Variants in SLC5A11 observed in about 807,000 individuals in gnomAD.
SLC5A11 encodes the protein sodium/myo-inositol cotransporter 2.
In SLC5A11, 48 loss-of-function variants were observed where a neutral mutation model predicts 69.8. That is an observed-to-expected ratio of 0.69 (90% CI 0.55 to 0.87). The LOEUF (loss-of-function observed/expected upper bound fraction) is 0.87, where lower values mean the gene tolerates loss of function less well. SLC5A11 is among the 40% of genes least tolerant of loss of function. The pLI is 0.00. For synonymous variants in SLC5A11, 319 were observed against 342.4 expected (o/e 0.93, Z 0.75); for missense variants, 784 against 866.1 (o/e 0.91, Z 1.19).
rs376938001 is a variant in SLC5A11, at chr16:24,884,130, C to T, written c.663C>T (p.Tyr221=). 6 of 1,613,968 alleles carry T rather than the reference C, an allele frequency of 3.7e-6. No homozygotes were observed. In the African/African-American group the frequency reaches 5.3e-5, roughly 14 times the overall value. ...TAGGAGCGCTCACCTTGATGGGCTACAGTAAGTGGGGTCCCCGGGTCACTG... is the reference window on the plus strand; with the variant it reads ...TAGGAGCGCTCACCTTGATGGGCTATAGTAAGTGGGGTCCCCGGGTCACTG... The change falls in exon 8 of 16, where the codon TAC becomes TAT. Residue 221 remains tyrosine, a splice_region_variant and synonymous_variant. Coordinates refer to ENST00000347898, the Ensembl canonical transcript of SLC5A11.
At chr16:24,874,906 C>A (rs2047567309) in intron 5 of SLC5A11, among the ~76,000 whole-genome samples, 1 of 151,990 alleles carries the variant, frequency 6.6e-6, no homozygotes, top group South Asian at 2.1e-4. Context: ...ATTGGCAACT[C>A]TTTTTATACA....
chr16:24,897,464 T>C (rs1306790521), intron 9 of SLC5A11, among the ~76,000 whole-genome samples: 4 of 152,050 alleles, frequency 2.6e-5, no homozygotes, highest in Admixed American at 2.6e-4. Flanking sequence ...GGACTGAGCA[T>C]AGGAAAGAGA....
chr16:24,852,114 C>T (rs2059338771), intron 1 of SLC5A11, among the ~76,000 whole-genome samples: 2 of 151,818 alleles, frequency 1.3e-5, no homozygotes, highest in South Asian at 4.2e-4. Flanking sequence ...AGTGCTTTGG[C>T]TTCATGCTAT....
intron 10 of SLC5A11, among the ~76,000 whole-genome samples, chr16:24,901,064 G>A (rs2049554939): frequency 2.0e-5 from 3 of 152,152 alleles, no homozygotes. Flanking sequence ...GCCCAGGCCT[G>A]AATTTGCTCT....
chr16:24,898,270 G>A (rs1157382055), intron 10 of SLC5A11, among the ~76,000 whole-genome samples, 161 bp downstream of exon 11: 1 of 152,182 alleles, frequency 6.6e-6, no homozygotes, highest in African/African-American at 2.4e-5. Context: ...GGAGTGCAGT[G>A]GTATGGTCAT....
intron 7 of SLC5A11, 111 bp downstream of exon 8, chr16:24,877,474 A>G: frequency 3.9e-6 from 3 of 767,624 alleles, no homozygotes; most frequent in Non-Finnish European, 6.5e-6. Flanking sequence ...AGACCCATTT[A>G]TTCATTAAAC....
intron 8 of SLC5A11, among the ~76,000 whole-genome samples, chr16:24,889,831 A>G (rs1406422590): frequency 1.6e-4 from 24 of 152,144 alleles, no homozygotes; most frequent in Admixed American, 1.5e-3. Context: ...TACAGGTGTG[A>G]GCCACTGTGC....
At chr16:24,867,765 A>G (rs1041396256) in intron 3 of SLC5A11, among the ~76,000 whole-genome samples, 1 of 152,204 alleles carries the variant, frequency 6.6e-6, no homozygotes, top group African/African-American at 2.4e-5. Flanking sequence ...AACAACCTAC[A>G]TGAAATGAAC....
intron 8 of SLC5A11, among the ~76,000 whole-genome samples, chr16:24,887,209 G>A (rs1330312580): frequency 6.6e-6 from 1 of 152,170 alleles, no homozygotes; most frequent in Non-Finnish European, 1.5e-5. Flanking sequence ...GGACCTATGT[G>A]CCTGTCTTGA....
At chr16:24,896,037 ATTGT>A (rs542152095) in intron 9 of SLC5A11, among the ~76,000 whole-genome samples, 30 of 148,266 alleles carry the variant, frequency 2.0e-4, no homozygotes, top group African/African-American at 5.0e-4. Context: ...TGTGGAAAAA[ATTGT>A]TTAAGGATAA....
At chr16:24,864,473 G>A (rs113982500) in intron 3 of SLC5A11, among the ~76,000 whole-genome samples, 1 of 152,184 alleles carries the variant, frequency 6.6e-6, no homozygotes, top group African/African-American at 2.4e-5. Flanking sequence ...AGCAACAACA[G>A]CAAGAATGAA....
intron 6 of SLC5A11, 101 bp downstream of exon 7, chr16:24,875,832 C>T (rs1216635067): frequency 3.2e-6 from 3 of 935,496 alleles, no homozygotes; most frequent in African/African-American, 1.6e-5. Context: ...CCTTTCTCCT[C>T]GTCTTTCATA....
chr16:24,868,313 A>G (rs274109), intron 3 of SLC5A11, among the ~76,000 whole-genome samples: 2,972 of 150,472 alleles, frequency 0.02, 69 homozygotes, highest in Admixed American at 0.045. Flanking sequence ...ATTAGAGGCC[A>G]GGTGTGGTGG....
Position 24,880,794 on chromosome 16 carries a change from G to A in SLC5A11, c.584-3257G>A, listed in dbSNP as rs868784085. On this transcript the variant is annotated intron_variant, in intron 7 of 15. Transcript: ENST00000347898. ...GATTACAATTCAACATGAGATTTGG[G>A]TGGGGACACAGAGCCAAACCATATC... Among the ~76,000 whole-genome samples, 19 of 152,226 alleles carry A rather than the reference G, an allele frequency of 1.2e-4. 1 individual carries two copies. The highest frequency in any genetic ancestry group is 4.6e-4 in the African/African-American group (19 of 41,536).
intron 10 of SLC5A11, among the ~76,000 whole-genome samples, chr16:24,901,615 A>C (rs923379350): frequency 6.6e-6 from 1 of 151,962 alleles, no homozygotes; most frequent in African/African-American, 2.4e-5. Flanking sequence ...GTTTAAAAAA[A>C]ATCATTCATT....
intron 4 of SLC5A11, among the ~76,000 whole-genome samples, chr16:24,871,794 G>A (rs1026272034): frequency 4.6e-5 from 7 of 152,008 alleles, no homozygotes; most frequent in South Asian, 2.1e-4. Flanking sequence ...AATGAGTCTC[G>A]GAGACCTGTG....
exon 3 of SLC5A11, chr16:24,862,628 G>A: frequency 6.2e-7 from 1 of 1,613,572 alleles, no homozygotes; most frequent in Non-Finnish European, 8.5e-7. Context: ...AAGAGACACA[G>A]TGAAAGGCTA....
At chr16:24,862,812 C>T (rs1306563516) in intron 3 of SLC5A11, 140 bp downstream of exon 4, 1 of 555,078 alleles carries the variant, frequency 1.8e-6, no homozygotes, top group Admixed American at 4.1e-5. Flanking sequence ...AGGCTTAGCT[C>T]CAGCTCAAAT....
chr16:24,898,960 G>A (rs2049384302), intron 10 of SLC5A11, among the ~76,000 whole-genome samples: 1 of 152,076 alleles, frequency 6.6e-6, no homozygotes, highest in South Asian at 2.1e-4. Context: ...GAGACTACAG[G>A]CATGCACTAC....
Sources: allele counts gnomAD v4.1 joint callset (sites outside exome capture counted in the v4.1 genomes callset), GRCh38; gene constraint gnomAD v4.1.1; transcripts MANE v1.5; gene names NCBI Gene and HGNC (gene_info 2026-07-23, HGNC 2026-07-21).